Variants in DPYD observed in about 807,000 individuals in gnomAD.
DPYD encodes dihydropyrimidine dehydrogenase [NADP(+)].
In DPYD, 109 loss-of-function variants were observed where a neutral mutation model predicts 116.2. The observed-to-expected ratio is 0.94, with a 90% CI of 0.80 to 1.10. The LOEUF is 1.10. DPYD is among the 50% of genes least tolerant of loss of function. DPYD has a pLI of 0.00. For synonymous variants in DPYD, 440 were observed against 432.0 expected, an observed-to-expected ratio of 1.02 and a Z score of -0.23; for missense variants, 1,302 against 1,254.5, an observed-to-expected ratio of 1.04 and a Z score of -0.57.
intron 2 of DPYD, among the ~76,000 whole-genome samples, chr1:97,878,208 T>C (rs1672018923): frequency 1.3e-5 from 2 of 151,788 alleles, no homozygotes. Context: ...TGTGTGCCTA[T>C]ATATATTTAT....
chr1:97,482,891 A>C (rs775199531), intron 13 of DPYD, among the ~76,000 whole-genome samples: 37 of 152,304 alleles, frequency 2.4e-4, no homozygotes, highest in Non-Finnish European at 3.8e-4. Flanking sequence ...ATTTTCAGTT[A>C]AATCTAAACT....
chr1:97,279,683 T>C (rs1198666842), intron 18 of DPYD, among the ~76,000 whole-genome samples: 2 of 152,166 alleles, frequency 1.3e-5, no homozygotes, highest in Non-Finnish European at 2.9e-5. Flanking sequence ...CTAATTTTTG[T>C]ATTTTTAGTA....
Position 97,402,495 on chromosome 1 carries a change from G to T in DPYD, c.1906-20034C>A, listed in dbSNP as rs115432712. On this transcript the variant is annotated intron_variant, in intron 14 of 22. Transcript: ENST00000370192. ...TCTTGCCACATTGCTATAATCACTT[G>T]TTAGTTACAGGATATTTTTTGGTCA... 3.6e-3 allele frequency among the ~76,000 whole-genome samples: 554 copies of T among 152,134 alleles called. 3 individuals carry two copies. The highest frequency in any genetic ancestry group is 0.013 in the African/African-American group (538 of 41,538).
intron 14 of DPYD, among the ~76,000 whole-genome samples, chr1:97,389,031 C>A (rs904740935): frequency 5.3e-5 from 8 of 152,004 alleles, no homozygotes; most frequent in African/African-American, 1.9e-4. Context: ...AAAGTAAAAT[C>A]ATTCTTCTTG....
At chr1:97,243,872 C>A (rs941492559) in intron 18 of DPYD, among the ~76,000 whole-genome samples, 1 of 151,742 alleles carries the variant, frequency 6.6e-6, no homozygotes, top group African/African-American at 2.4e-5. Flanking sequence ...TATCCCAGTT[C>A]AGATGATAAA....
chr1:97,180,250 C>T (rs1657557015), intron 20 of DPYD, among the ~76,000 whole-genome samples: 1 of 152,030 alleles, frequency 6.6e-6, no homozygotes, highest in African/African-American at 2.4e-5. Context: ...TGACTCTTTA[C>T]ATTATCAAAA....
intron 19 of DPYD, among the ~76,000 whole-genome samples, chr1:97,218,843 C>T (rs1290535943): frequency 6.6e-6 from 1 of 151,846 alleles, no homozygotes; most frequent in Non-Finnish European, 1.5e-5. Flanking sequence ...AAACATGAGA[C>T]TAATTGTAAA....
intron 5 of DPYD, 34 bp from the exon 6 acceptor site, chr1:97,699,581 T>A (rs2100972727): frequency 6.3e-7 from 1 of 1,595,744 alleles, no homozygotes; most frequent in Admixed American, 1.7e-5. Context: ...GTTAAAATTT[T>A]GAAACTAGCT....
chr1:97,506,080 A>C (rs1457560202), intron 13 of DPYD, among the ~76,000 whole-genome samples: 1 of 151,990 alleles, frequency 6.6e-6, no homozygotes, highest in Non-Finnish European at 1.5e-5. Context: ...TGGTACTTGA[A>C]CATTAAGCAC....
At chr1:97,452,911 T>C (rs1167083678) in intron 13 of DPYD, among the ~76,000 whole-genome samples, 1 of 152,050 alleles carries the variant, frequency 6.6e-6, no homozygotes, top group Admixed American at 6.6e-5. Flanking sequence ...CAGGCTCAGG[T>C]ATGTCTTTAT....
intron 16 of DPYD, among the ~76,000 whole-genome samples, chr1:97,337,261 T>C (rs1449416806): frequency 6.6e-6 from 1 of 152,124 alleles, no homozygotes; most frequent in Admixed American, 6.6e-5. Flanking sequence ...ATTAAGCATA[T>C]GAGTAGGGAA....
At chr1:97,204,445 T>C (rs964148090) in intron 19 of DPYD, among the ~76,000 whole-genome samples, 1 of 152,182 alleles carries the variant, frequency 6.6e-6, no homozygotes, top group Non-Finnish European at 1.5e-5. Flanking sequence ...GTTTTATTTA[T>C]GCCTTCTCAC....
At chr1:97,150,346 C>T (rs191367207) in intron 20 of DPYD, among the ~76,000 whole-genome samples, 11 of 151,996 alleles carry the variant, frequency 7.2e-5, no homozygotes, top group African/African-American at 1.7e-4. Context: ...CTCTCTTCTT[C>T]GCTACAGTAT....
At chr1:97,920,836 ACTCCCCACCAC>A (rs1237380853) in intron 1 of DPYD, 37 bp downstream of exon 1, 5 of 1,562,058 alleles carry the variant, frequency 3.2e-6, no homozygotes, top group Admixed American at 3.7e-5. Flanking sequence ...CCCGCAGAGC[ACTCCCCACCAC>A]CCCGCCACCA....
At chr1:97,281,905 T>C (rs926673737) in intron 18 of DPYD, among the ~76,000 whole-genome samples, 2 of 152,126 alleles carry the variant, frequency 1.3e-5, no homozygotes, top group Non-Finnish European at 2.9e-5. Context: ...TTTTACCAAT[T>C]TGATACTCAA....
Position 97,711,206 on chromosome 1 carries a change from T to C in DPYD, c.483+10304A>G, listed in dbSNP as rs372891442. On this transcript the variant is annotated intron_variant, in intron 5 of 22. Transcript: ENST00000370192. The stretch of plus-strand genomic sequence containing the variant: ...TGTTATTATGACTAAACAAAGGTTA[T>C]ATTGGATATTTGATAAACCAATTGA... Among the ~76,000 whole-genome samples, 23 of 152,036 alleles carry C rather than the reference T, an allele frequency of 1.5e-4. No individual in the cohort carries two copies. In the East Asian group the frequency reaches 4.1e-3, roughly 27 times the overall value.
Position 97,148,249 on chromosome 1 carries a change from TG to T in DPYD, c.2622+44819del, listed in dbSNP as rs1329146883. ...GGTGTATGTGTAGGGTGTGTGTGTG[TG>T]TGTGGGGGGGGTGTGTGTGTTCTTT... On this transcript the variant is annotated intron_variant, in intron 20 of 22. Transcript: ENST00000370192. 9.7e-5 allele frequency among the ~76,000 whole-genome samples: 12 copies of T among 123,716 alleles called. 1 individual carries two copies. The South Asian group carries it at 2.5e-3, about 25-fold the overall frequency. 81.2% of individuals were successfully genotyped at this position (123,716 alleles called of 152,430 possible).
intron 1 of DPYD, among the ~76,000 whole-genome samples, chr1:97,918,632 T>C (rs1289908193): frequency 6.6e-6 from 1 of 152,170 alleles, no homozygotes; most frequent in East Asian, 1.9e-4. Context: ...AAAGCACCTT[T>C]ATATATACCT....
At chr1:97,472,658 G>C (rs957221628) in intron 13 of DPYD, among the ~76,000 whole-genome samples, 2 of 152,142 alleles carry the variant, frequency 1.3e-5, no homozygotes, top group African/African-American at 4.8e-5. Flanking sequence ...CTTTGTATTT[G>C]TGTGACTACT....
Sources: allele counts gnomAD v4.1 joint callset (sites outside exome capture counted in the v4.1 genomes callset), GRCh38; gene constraint gnomAD v4.1.1; transcripts MANE v1.5; gene names NCBI Gene and HGNC (gene_info 2026-07-23, HGNC 2026-07-21).